The following XPO6 variants were observed in gnomAD, a reference collection of about 807,000 sequenced individuals.
The protein encoded by XPO6 is exportin-6.
In XPO6, 3 loss-of-function variants were observed where a neutral mutation model predicts 130.0. That is an observed-to-expected ratio of 0.02 (90% CI 0.01 to 0.06). The LOEUF (loss-of-function observed/expected upper bound fraction) is 0.06. Among genes scored for constraint, XPO6 ranks in the 10% least tolerant of loss-of-function variants. XPO6 has a pLI of 1.00. For synonymous variants in XPO6, 524 were observed against 548.9 expected, an observed-to-expected ratio of 0.95 and a Z score of 0.63; for missense variants, 970 against 1,393.0, an observed-to-expected ratio of 0.70 and a Z score of 4.83.
intron 10 of XPO6, among the ~76,000 whole-genome samples, chr16:28,134,323 C>T (rs1209779132): frequency 2.0e-5 from 3 of 152,222 alleles, no homozygotes; most frequent in Admixed American, 6.5e-5. Context: ...AGCCAGCAAA[C>T]GCATCCCCTG....
chr16:28,178,858 A>C (rs560352097), intron 2 of XPO6, among the ~76,000 whole-genome samples: 1 of 152,062 alleles, frequency 6.6e-6, no homozygotes, highest in East Asian at 1.9e-4. Flanking sequence ...CACGAGGTCA[A>C]GAGATCGAGA....
chr16:28,116,084 C>A (rs1002626984), intron 15 of XPO6, among the ~76,000 whole-genome samples: 3 of 152,236 alleles, frequency 2.0e-5, no homozygotes, highest in African/African-American at 7.2e-5. Context: ...ACTTTCTCAT[C>A]ACTCATGTGT....
chr16:28,156,639 TTTAG>T (rs2141826947), intron 6 of XPO6, 112 bp from the exon 7 acceptor site: 1 of 615,914 alleles, frequency 1.6e-6, no homozygotes, highest in East Asian at 3.3e-5. Context: ...TATGTATCAG[TTTAG>T]TTACCTATGA....
At chr16:28,184,796 A>G (rs531828753) in intron 1 of XPO6, among the ~76,000 whole-genome samples, 2 of 152,358 alleles carry the variant, frequency 1.3e-5, no homozygotes, top group African/African-American at 4.8e-5. Context: ...ATAAGTGTTG[A>G]TGAGGAGGCT....
intron 7 of XPO6, chr16:28,153,931 C>A (rs560378802): frequency 3.0e-6 from 3 of 985,406 alleles, no homozygotes; most frequent in South Asian, 4.7e-5. Context: ...GGTGGCCAGC[C>A]TGCCTGCCTG....
intron 1 of XPO6, among the ~76,000 whole-genome samples, chr16:28,190,816 G>A (rs1401189357): frequency 1.3e-5 from 2 of 151,346 alleles, no homozygotes; most frequent in East Asian, 3.8e-4. Flanking sequence ...CTCTAAAATT[G>A]TTCAGAAAAA....
At chr16:28,158,927 A>C (rs2043226869) in intron 6 of XPO6, among the ~76,000 whole-genome samples, 1 of 152,192 alleles carries the variant, frequency 6.6e-6, no homozygotes, top group Non-Finnish European at 1.5e-5. Flanking sequence ...AAGAAGAAAA[A>C]TATTTAAAAC....
rs921285695 is a variant in XPO6 at position 28,106,642 on chromosome 16, C to A, written c.2498-145G>T. Reference sequence around the variant, plus strand: ...AAACATTTCCCCAACACCATCAGGGCCAATGATGGAAAGTGGAAAACGATT... The same window carrying A: ...AAACATTTCCCCAACACCATCAGGGACAATGATGGAAAGTGGAAAACGATT... On this transcript the variant is annotated intron_variant, in intron 18 of 23. Transcript: ENST00000304658. The surrounding 1 kb of genome is among the most constrained non-coding windows in gnomAD (Gnocchi z 4.2). The A allele has an allele frequency of 4.4e-5, 29 of 651,766 alleles. No homozygotes were observed. The South Asian group carries it at 5.4e-4, about 12-fold the overall frequency. 40.4% of individuals were successfully genotyped at this position (651,766 alleles called of 1,614,324 possible). A position where few individuals can be genotyped will look rare whatever the true frequency, so the allele number is the denominator to read the frequency against.
Position 28,106,436 on chromosome 16 carries a change from C to G in XPO6, c.2559G>C (p.Met853Ile). 7 of 1,614,210 alleles carry G rather than the reference C, an allele frequency of 4.3e-6. No homozygotes were observed. The highest frequency in any genetic ancestry group is 5.9e-6 in the Non-Finnish European group (7 of 1,180,046). Residue 853 changes from methionine to isoleucine, a missense_variant, in exon 19 of 24, where the codon ATG (methionine) becomes ATC (isoleucine). Met to Ile is a conservative substitution (Grantham distance 10, BLOSUM62 1). Transcript: ENST00000304658. The surrounding 1 kb of genome is among the most constrained non-coding windows in gnomAD (Gnocchi z 4.2). ...TGATTTGCTCAGTGAAAGGCACACC[C>G]ATCTGTACTCTAAGGCCTCGAAACA... ...LTLFRGLRVQ[M>I]GVPFTEQIIQ... is the part of the protein sequence containing the mutation.
Position 28,146,275 on chromosome 16 carries a change from G to C in XPO6, c.1225-72C>G, listed in dbSNP as rs577852367. The C allele has an allele frequency of 2.8e-5, 31 of 1,108,694 alleles. 1 individual carries two copies. The Middle Eastern group carries it at 5.6e-3, about 200-fold the overall frequency. The allele number at this position is 1,108,694 out of a possible 1,614,324, so 68.7% of individuals were successfully genotyped here. A position where few individuals can be genotyped will look rare whatever the true frequency, so the allele number is the denominator to read the frequency against. ...ATTCCTTAGAAACACACACATGCCA[G>C]TGTTTAATTCCAGCAGAATGATGAA... On this transcript the variant is annotated intron_variant, in intron 8 of 23. Coordinates refer to ENST00000304658, the MANE Select transcript of XPO6 (RefSeq NM_015171.4).
intron 7 of XPO6, chr16:28,154,329 C>G: frequency 6.3e-6 from 6 of 958,028 alleles, no homozygotes; most frequent in Non-Finnish European, 7.4e-6. Flanking sequence ...GTATCTAACC[C>G]AATTTTTTAA....
In XPO6 at chr16:28,194,133, T is replaced by C. The variant is rs187852497; in HGVS notation, c.4-13102A>G. Among the ~76,000 whole-genome samples, 30 of 152,216 alleles carry C rather than the reference T, an allele frequency of 2.0e-4. No individual in the cohort carries two copies. The East Asian group carries it at 5.4e-3, about 27-fold the overall frequency. ...AGTACTCCCCCTCACCAAGTAGCTA[T>C]GGGAATGACATCAATGGATGTAAAT... On this transcript the variant is annotated intron_variant, in intron 1 of 23. Coordinates refer to ENST00000304658, the MANE Select transcript of XPO6 (RefSeq NM_015171.4).
intron 1 of XPO6, among the ~76,000 whole-genome samples, chr16:28,184,735 GAT>G (rs1328421688): frequency 6.6e-6 from 1 of 152,008 alleles, no homozygotes; most frequent in Non-Finnish European, 1.5e-5. Context: ...TTTAAAATAA[GAT>G]AGTGCTACAC....
chr16:28,141,049 C>G (rs1396382095), intron 9 of XPO6, among the ~76,000 whole-genome samples: 1 of 152,228 alleles, frequency 6.6e-6, no homozygotes, highest in Non-Finnish European at 1.5e-5. Context: ...GCTGCTAGAG[C>G]TCTGATCTAA....
intron 17 of XPO6, among the ~76,000 whole-genome samples, chr16:28,108,077 G>A (rs1437617959): frequency 6.6e-6 from 1 of 152,118 alleles, no homozygotes; most frequent in Non-Finnish European, 1.5e-5. Context: ...GAAAATGAGT[G>A]TCATAAGGTC....
Position 28,195,940 on chromosome 16 carries a change from G to A in XPO6, c.4-14909C>T, listed in dbSNP as rs141071029. The stretch of plus-strand genomic sequence containing the variant: ...TTAGGCTGGTTATTTTTTTGATCAC[G>A]GAAGAACTTGCACTTACCTGCAAGT... On this transcript the variant is annotated intron_variant, in intron 1 of 23. Coordinates refer to ENST00000304658, the MANE Select transcript of XPO6 (RefSeq NM_015171.4). Among the ~76,000 whole-genome samples the A allele has an allele frequency of 6.9e-4, 105 of 152,090 alleles. No individual in the cohort carries two copies. The East Asian group carries it at 8.5e-3, about 12-fold the overall frequency.
intron 1 of XPO6, among the ~76,000 whole-genome samples, chr16:28,183,950 G>A (rs2043655769): frequency 6.6e-6 from 1 of 152,182 alleles, no homozygotes; most frequent in South Asian, 2.1e-4. Flanking sequence ...GCACATTCAA[G>A]GATACTGGTT....
chr16:28,125,415 C>A (rs145609530), intron 13 of XPO6, among the ~76,000 whole-genome samples: 101 of 152,298 alleles, frequency 6.6e-4, no homozygotes, highest in Non-Finnish European at 3.2e-4. Flanking sequence ...ACTTATCAGG[C>A]GTTTTGTTAT....
intron 12 of XPO6, among the ~76,000 whole-genome samples, chr16:28,126,996 C>T (rs1012124781): frequency 6.6e-6 from 1 of 152,208 alleles, no homozygotes; most frequent in Admixed American, 6.5e-5. Context: ...TCACCACCAA[C>T]CCTCCTCCCG....
Sources: gnomAD v4.1 joint callset for allele counts (sites outside exome capture counted in the v4.1 genomes callset) on GRCh38, gnomAD v4.1.1 for gene constraint, Gnocchi (gnomAD v3.1) non-coding constraint, MANE v1.5 for transcripts, NCBI Gene and HGNC (gene_info 2026-07-23, HGNC 2026-07-21) for gene names.